SNTG2: variants seen among roughly 807,000 people sequenced by gnomAD.
SNTG2 encodes the protein gamma-2-syntrophin.
In SNTG2, 74 loss-of-function variants were observed where a neutral mutation model predicts 70.9. The observed-to-expected ratio is 1.04, with a 90% confidence interval of 0.86 to 1.27. The LOEUF (loss-of-function observed/expected upper bound fraction) is 1.27. Among genes scored for constraint, SNTG2 ranks in the 50% most tolerant of loss-of-function variants. The probability of loss-of-function intolerance (pLI) is 0.00; values close to 1 mark genes in which losing one functional copy is unlikely to be tolerated. For missense variants in SNTG2, 717 were observed against 690.7 expected, an observed-to-expected ratio of 1.04 and a Z score of -0.43; for synonymous variants, 278 against 273.8, an observed-to-expected ratio of 1.02 and a Z score of -0.15.
At chr2:1,239,837 T>C (rs934762318) in intron 11 of SNTG2, 61 bp downstream of exon 11, 40 of 1,576,450 alleles carry the variant, frequency 2.5e-5, no homozygotes, top group Non-Finnish European at 3.4e-5. Context: ...TATTTTCTGA[T>C]TCATGATGTA....
chr2:1,212,118 C>A (rs543034192), intron 9 of SNTG2, among the ~76,000 whole-genome samples: 30 of 152,226 alleles, frequency 2.0e-4, no homozygotes, highest in African/African-American at 5.8e-4. Context: ...AAATGTATTC[C>A]CCAGTGTTGG....
chr2:1,193,853 C>A (rs1160935219), intron 8 of SNTG2, among the ~76,000 whole-genome samples: 1 of 152,220 alleles, frequency 6.6e-6, no homozygotes. Flanking sequence ...CACATGAAAA[C>A]AAAACAAAAC....
intron 1 of SNTG2, among the ~76,000 whole-genome samples, chr2:1,050,620 A>G (rs983145481): frequency 1.3e-5 from 2 of 152,166 alleles, no homozygotes; most frequent in Non-Finnish European, 2.9e-5. Context: ...GTTTTCTTCC[A>G]GGATTTCCTT....
At chr2:1,140,625 A>C (rs921541054) in intron 6 of SNTG2, among the ~76,000 whole-genome samples, 1 of 152,264 alleles carries the variant, frequency 6.6e-6, no homozygotes, top group Non-Finnish European at 1.5e-5. Flanking sequence ...ACAGCCTGGC[A>C]GGGCCACAGC....
intron 10 of SNTG2, among the ~76,000 whole-genome samples, chr2:1,238,240 T>C (rs2148107294): frequency 6.6e-6 from 1 of 152,100 alleles, no homozygotes; most frequent in East Asian, 1.9e-4. Flanking sequence ...TCCCATCTGG[T>C]TTTGTCTTCC....
intron 4 of SNTG2, chr2:1,103,400 T>C: frequency 3.5e-6 from 1 of 287,520 alleles, no homozygotes; most frequent in Non-Finnish European, 6.9e-6. Context: ...TATTTTTTTT[T>C]TTAGATGGAG....
intron 8 of SNTG2, among the ~76,000 whole-genome samples, chr2:1,204,998 A>C (rs533837422): frequency 6.2e-4 from 94 of 152,306 alleles, no homozygotes; most frequent in African/African-American, 2.2e-3. Context: ...GTGCAGTATG[A>C]TCTTAACTTT....
At chr2:1,319,288 A>G (rs1300503398) in intron 16 of SNTG2, among the ~76,000 whole-genome samples, 1 of 152,252 alleles carries the variant, frequency 6.6e-6, no homozygotes, top group Admixed American at 6.5e-5. Flanking sequence ...AGGGAGTTAC[A>G]GAGGCCACAG....
At chr2:1,000,838 A>G (rs922039410) in intron 1 of SNTG2, among the ~76,000 whole-genome samples, 2 of 151,906 alleles carry the variant, frequency 1.3e-5, no homozygotes, top group Admixed American at 1.3e-4. Context: ...GGCAAATATC[A>G]TAGATGAACA....
intron 1 of SNTG2, among the ~76,000 whole-genome samples, chr2:992,499 A>G (rs1252587395): frequency 6.6e-6 from 1 of 152,218 alleles, no homozygotes; most frequent in Non-Finnish European, 1.5e-5. Flanking sequence ...AAAAGACTTC[A>G]AGAATCTTTG....
At chr2:1,271,349 T>A (rs566633442) in intron 14 of SNTG2, among the ~76,000 whole-genome samples, 1 of 152,310 alleles carries the variant, frequency 6.6e-6, no homozygotes, top group East Asian at 1.9e-4. Context: ...TGTTCTGCAA[T>A]TTACAAGACT....
At chr2:1,208,694 C>T (rs932079139) in intron 8 of SNTG2, among the ~76,000 whole-genome samples, 2 of 152,122 alleles carry the variant, frequency 1.3e-5, no homozygotes, top group African/African-American at 4.8e-5. Context: ...CCTGGACGCC[C>T]GTTGGAATGT....
intron 11 of SNTG2, among the ~76,000 whole-genome samples, chr2:1,246,232 A>C (rs910740905): frequency 6.6e-6 from 1 of 152,252 alleles, no homozygotes; most frequent in Non-Finnish European, 1.5e-5. Context: ...TCCCCGCCCT[A>C]CAAGACAGTG....
At chr2:974,989 CAG>C (rs1446535972) in intron 1 of SNTG2, among the ~76,000 whole-genome samples, 3 of 152,170 alleles carry the variant, frequency 2.0e-5, no homozygotes, top group Admixed American at 6.5e-5. Context: ...TCATTTGAAA[CAG>C]AGAGTGCATG....
At chr2:1,196,665 C>G (rs748994686) in intron 8 of SNTG2, among the ~76,000 whole-genome samples, 2 of 152,060 alleles carry the variant, frequency 1.3e-5, no homozygotes, top group African/African-American at 2.4e-5. Context: ...GAACCTCCAT[C>G]AAGCCATCAG....
At chr2:1,361,496 C>G (rs1661143196) in intron 16 of SNTG2, among the ~76,000 whole-genome samples, 1 of 152,238 alleles carries the variant, frequency 6.6e-6, no homozygotes, top group African/African-American at 2.4e-5. Flanking sequence ...CAAATCTATG[C>G]AAACAAAGAG....
intron 1 of SNTG2, among the ~76,000 whole-genome samples, chr2:956,037 G>T (rs1211327692): frequency 4.1e-5 from 3 of 73,896 alleles, no homozygotes; most frequent in African/African-American, 5.0e-5. Flanking sequence ...GCTGGCCCCT[G>T]CCCCTGCCCC....
chr2:1,200,132 A>G (rs1673184553), intron 8 of SNTG2, among the ~76,000 whole-genome samples: 1 of 152,078 alleles, frequency 6.6e-6, no homozygotes, highest in Non-Finnish European at 1.5e-5. Flanking sequence ...ACAGAGCTAT[A>G]GTAATGAAAA....
chr2:1,132,350 C>A (rs1437923034), intron 4 of SNTG2, among the ~76,000 whole-genome samples: 1 of 152,016 alleles, frequency 6.6e-6, no homozygotes, highest in Non-Finnish European at 1.5e-5. Context: ...CATTCAGAGC[C>A]ACGGGGAAGT....
Sources: gnomAD v4.1 joint callset for allele counts (sites outside exome capture counted in the v4.1 genomes callset) on GRCh38, gnomAD v4.1.1 for gene constraint, MANE v1.5 for transcripts, NCBI Gene and HGNC (gene_info 2026-07-23, HGNC 2026-07-21) for gene names.